The following RBFOX1 variants were observed in gnomAD, a reference collection of about 807,000 sequenced individuals.
RBFOX1 encodes RNA binding fox-1 homolog 1.
A neutral mutation model predicts 57.7 loss-of-function variants in RBFOX1; 8 were observed. That is an observed-to-expected ratio of 0.14 (90% confidence interval 0.08 to 0.25). The LOEUF (loss-of-function observed/expected upper bound fraction) is 0.25, where lower values mean the gene tolerates loss of function less well. RBFOX1 is among the 10% of genes least tolerant of loss of function. RBFOX1 has a pLI of 1.00. For synonymous variants in RBFOX1, 326 were observed against 222.4 expected (o/e 1.47, Z -4.15); for missense variants, 611 against 548.5 (o/e 1.11, Z -1.14).
chr16:7,678,143 A>C (rs2073866640), intron 14 of RBFOX1, among the ~76,000 whole-genome samples: 1 of 152,212 alleles, frequency 6.6e-6, no homozygotes, highest in Admixed American at 6.5e-5. Context: ...TCTTATAAGC[A>C]GCCATAACAA....
intron 1 of RBFOX1, among the ~76,000 whole-genome samples, chr16:6,212,860 G>A (rs148512903): frequency 6.6e-6 from 1 of 152,102 alleles, no homozygotes; most frequent in Non-Finnish European, 1.5e-5. Context: ...AAAAAGGTAA[G>A]AAGAAGAGAC....
chr16:5,758,631 T>G (rs1458241182), intron 3 of RBFOX1, among the ~76,000 whole-genome samples: 1 of 152,142 alleles, frequency 6.6e-6, no homozygotes, highest in Non-Finnish European at 1.5e-5. Flanking sequence ...AATTAAGACC[T>G]CAGAATAGGA....
intron 1 of RBFOX1, among the ~76,000 whole-genome samples, chr16:6,098,135 C>T (rs1194509554): frequency 6.6e-6 from 1 of 151,574 alleles, no homozygotes; most frequent in East Asian, 2.0e-4. Context: ...TCTTGCTACC[C>T]TTCGTTGCCT....
chr16:6,956,063 C>G (rs755391131), intron 3 of RBFOX1, among the ~76,000 whole-genome samples: 3 of 152,040 alleles, frequency 2.0e-5, no homozygotes, highest in Admixed American at 6.6e-5. Flanking sequence ...AGTTATCTTC[C>G]CTTTAGTGAG....
intron 3 of RBFOX1, among the ~76,000 whole-genome samples, chr16:5,828,003 C>G (rs1445013140): frequency 6.9e-6 from 1 of 145,050 alleles, no homozygotes; most frequent in African/African-American, 2.5e-5. Context: ...CCAATCCATC[C>G]ATCCATCATC....
At chr16:5,735,295 C>G (rs554517052) in intron 3 of RBFOX1, among the ~76,000 whole-genome samples, 1 of 152,210 alleles carries the variant, frequency 6.6e-6, no homozygotes, top group Non-Finnish European at 1.5e-5. Flanking sequence ...TTCCATTACT[C>G]AAACCCAGAC....
intron 4 of RBFOX1, among the ~76,000 whole-genome samples, chr16:5,923,481 G>C (rs2058873043): frequency 6.6e-6 from 1 of 150,968 alleles, no homozygotes; most frequent in African/African-American, 2.4e-5. Flanking sequence ...ACGGAGAGCA[G>C]AGGACAGATT....
intron 4 of RBFOX1, among the ~76,000 whole-genome samples, chr16:7,300,847 C>T (rs1293239225): frequency 6.6e-6 from 1 of 152,182 alleles, no homozygotes; most frequent in African/African-American, 2.4e-5. Flanking sequence ...AATTTTCCTG[C>T]ACTTTTTCAG....
intron 3 of RBFOX1, among the ~76,000 whole-genome samples, chr16:6,945,899 A>G (rs1441984027): frequency 6.6e-6 from 1 of 152,130 alleles, no homozygotes; most frequent in Non-Finnish European, 1.5e-5. Context: ...CCCCCACAAA[A>G]AAGGAATCTG....
At chr16:6,954,212 T>G (rs569207662) in intron 3 of RBFOX1, among the ~76,000 whole-genome samples, 1 of 152,056 alleles carries the variant, frequency 6.6e-6, no homozygotes, top group Non-Finnish European at 1.5e-5. Flanking sequence ...AAAAAGAGAG[T>G]GGCAAATCAA....
At position 6,118,904 on chromosome 16, in the gene RBFOX1, AC is replaced by A. The variant is rs199978040; in HGVS notation, c.-127+98914del. 6.8e-3 allele frequency among the ~76,000 whole-genome samples: 1,034 copies of A among 151,904 alleles called. 14 individuals carry two copies. Among genetic ancestry groups the A allele is most frequent in the African/African-American group, 0.024 (995 of 41,390 alleles). On this transcript the variant is annotated intron_variant, in intron 1 of 15. Transcript: ENST00000550418. ...TCCCATGACCTAATCATCTCCCAAT[AC>A]CATCACATTAGTGATTAGGTTTCAA... is the stretch of plus-strand genomic sequence containing the variant.
intron 14 of RBFOX1, among the ~76,000 whole-genome samples, chr16:7,697,519 GCA>G (rs2079165940): frequency 2.8e-4 from 6 of 21,238 alleles, no homozygotes; most frequent in Non-Finnish European, 7.3e-4. Flanking sequence ...ATACATACAT[GCA>G]TGTATATGTA....
At chr16:5,479,791 CT>C (rs2069461257) in intron 2 of RBFOX1, among the ~76,000 whole-genome samples, 1 of 152,024 alleles carries the variant, frequency 6.6e-6, no homozygotes, top group Admixed American at 6.6e-5. Context: ...TATTTCTCCC[CT>C]GCTACCTGTA....
intron 4 of RBFOX1, among the ~76,000 whole-genome samples, chr16:7,314,646 C>G (rs1329893849): frequency 6.6e-6 from 1 of 152,028 alleles, no homozygotes; most frequent in Non-Finnish European, 1.5e-5. Flanking sequence ...ATGGTGTTGT[C>G]TGTGAAAATG....
intron 2 of RBFOX1, among the ~76,000 whole-genome samples, chr16:6,578,170 C>G (rs889668757): frequency 6.6e-6 from 1 of 152,228 alleles, no homozygotes; most frequent in African/African-American, 2.4e-5. Flanking sequence ...TACTAGACAT[C>G]AGATAGCACT....
intron 4 of RBFOX1, among the ~76,000 whole-genome samples, chr16:7,466,718 AGTG>A (rs2060588587): frequency 6.6e-6 from 1 of 152,242 alleles, no homozygotes; most frequent in African/African-American, 2.4e-5. Flanking sequence ...TGAATTATTC[AGTG>A]ATGATGCCCA....
At chr16:6,492,431 G>A (rs2095654224) in intron 2 of RBFOX1, among the ~76,000 whole-genome samples, 1 of 152,162 alleles carries the variant, frequency 6.6e-6, no homozygotes. Context: ...TGCCAGGCTT[G>A]GTGGCAGGTG....
chr16:6,051,244 A>G (rs2095549133), intron 1 of RBFOX1, among the ~76,000 whole-genome samples: 1 of 151,744 alleles, frequency 6.6e-6, no homozygotes, highest in Admixed American at 6.6e-5. Context: ...TGTTCCCCCA[A>G]AAACCACCTC....
At chr16:6,943,765 C>G (rs1014846657) in intron 3 of RBFOX1, among the ~76,000 whole-genome samples, 2 of 151,770 alleles carry the variant, frequency 1.3e-5, no homozygotes, top group Non-Finnish European at 2.9e-5. Flanking sequence ...TTGGCCAATC[C>G]CAGCAGCTGA....
Sources: allele counts gnomAD v4.1 joint callset (sites outside exome capture counted in the v4.1 genomes callset), GRCh38; gene constraint gnomAD v4.1.1; transcripts MANE v1.5; gene names NCBI Gene and HGNC (gene_info 2026-07-23, HGNC 2026-07-21).